The following CAGE1 variants were observed in gnomAD, a reference collection of about 807,000 sequenced individuals.
The protein encoded by CAGE1 is cancer-associated gene 1 protein.
In CAGE1, 66 loss-of-function variants were observed where a neutral mutation model predicts 94.9. That is an observed-to-expected ratio of 0.70 (90% CI 0.57 to 0.85). The LOEUF (loss-of-function observed/expected upper bound fraction) is 0.85. Ranked by LOEUF, CAGE1 falls within the 40% of genes least tolerant of loss-of-function variation. CAGE1 has a pLI of 0.00. For synonymous variants in CAGE1, 319 were observed against 321.0 expected (o/e 0.99, Z 0.07); for missense variants, 865 against 950.4 (o/e 0.91, Z 1.18).
chr6:7,373,417 A>G lies in CAGE1; in HGVS notation c.1402T>C (p.Ser468Pro). 6.2e-7 allele frequency: 1 copy of G among 1,613,770 alleles called. No individual in the cohort carries two copies. The highest frequency in any genetic ancestry group is 8.5e-7 in the Non-Finnish European group (1 of 1,179,754). Residue 468 changes from serine to proline, a missense_variant, in exon 5 of 14, where the codon TCT becomes CCT. Ser to Pro is a moderately conservative substitution (Grantham distance 74). Transcript: ENST00000502583. ...LKKELEKATASALDLLKREKE... is the reference protein window; with the variant it reads ...LKKELEKATAPALDLLKREKE... Reference sequence around the variant, plus strand: ...TCCCGTTTCAACAAGTCCAAAGCAGAAGCTGTGGCCTTTTCCAGTTCTTTT... The same window carrying G: ...TCCCGTTTCAACAAGTCCAAAGCAGGAGCTGTGGCCTTTTCCAGTTCTTTT...
At chr6:7,384,003 T>C (rs1340669722) in intron 3 of CAGE1, among the ~76,000 whole-genome samples, 1 of 152,224 alleles carries the variant, frequency 6.6e-6, no homozygotes, top group Non-Finnish European at 1.5e-5. Context: ...ACTTTCTTAT[T>C]AGTTTTAATA....
rs80156913 is a variant in CAGE1 at position 7,356,101 on chromosome 6, G to T, written c.2222C>A (p.Ser741Ter). The change falls in exon 10 of 14, where the codon TCA (serine) becomes TAA (stop). Residue 741 changes from serine (S) to a stop codon, truncating the protein, a stop_gained. Transcript: ENST00000502583. LOFTEE classifies it high-confidence loss of function. ...GAGTCTGTTGCAGTGGTTTTCTTTTGACTCTAGGAGATGTCCCAGTTTTGT... is the reference window on the plus strand; with the variant it reads ...GAGTCTGTTGCAGTGGTTTTCTTTTTACTCTAGGAGATGTCCCAGTTTTGT... The part of the protein sequence containing the change: ...LITKLGHLLE[S>*]KENHCNRLIE... 1.3e-6 allele frequency: 2 copies of T among 1,548,482 alleles called. No individual in the cohort carries two copies. Among genetic ancestry groups the T allele is most frequent in the South Asian group, 2.4e-5 (2 of 83,950 alleles).
At position 7,373,271 on chromosome 6, in the gene CAGE1, A is replaced by G; in HGVS notation, c.1548T>C (p.Val516=). 1 of 1,602,762 alleles carries G rather than the reference A, an allele frequency of 6.2e-7. No individual in the cohort carries two copies. The highest frequency in any genetic ancestry group is 1.3e-5 in the African/African-American group (1 of 74,852). The change falls in exon 5 of 14, where the codon GTT becomes GTC. Residue 516 remains valine, a synonymous_variant. Transcript: ENST00000502583. ...KSRLEKLLTQ[V]RNLQFMSENE... ...TTTCAGACATAAATTGCAAATTTCT[A>G]ACTTGAGTGAGCAATTTCTCAAGTC...
chr6:7,333,101 C>A (rs1186563387), intron 12 of CAGE1, among the ~76,000 whole-genome samples: 1 of 152,126 alleles, frequency 6.6e-6, no homozygotes, highest in East Asian at 1.9e-4. Flanking sequence ...CAGGTGCCCA[C>A]CACCATGCCT....
At chr6:7,352,958 GA>G (rs749354299) in intron 11 of CAGE1, among the ~76,000 whole-genome samples, 1 of 152,086 alleles carries the variant, frequency 6.6e-6, no homozygotes, top group Non-Finnish European at 1.5e-5. Context: ...GATAACATTG[GA>G]AAAAACTCTT....
intron 9 of CAGE1, among the ~76,000 whole-genome samples, chr6:7,356,986 G>A (rs898097527): frequency 1.3e-5 from 2 of 151,858 alleles, no homozygotes; most frequent in Non-Finnish European, 2.9e-5. Flanking sequence ...TAGTCGAGAT[G>A]GGGTTTCACC....
At chr6:7,374,196 T>C (rs376387427) in intron 4 of CAGE1, 65 bp from the exon 5 acceptor site, 5 of 1,352,294 alleles carry the variant, frequency 3.7e-6, no homozygotes, top group African/African-American at 2.9e-5. Context: ...TCAAGTCAAA[T>C]AGGGCTGGCC....
intron 11 of CAGE1, among the ~76,000 whole-genome samples, chr6:7,335,917 A>G (rs1056489639): frequency 4.6e-5 from 7 of 152,246 alleles, no homozygotes; most frequent in Non-Finnish European, 1.0e-4. Context: ...CTAGATTTTT[A>G]CAGAATTATC....
chr6:7,334,712 C>T (rs1307662499), intron 11 of CAGE1, among the ~76,000 whole-genome samples: 8 of 110,550 alleles, frequency 7.2e-5, no homozygotes, highest in Non-Finnish European at 1.7e-5. Context: ...TGGGACAGAG[C>T]TAGACTCTCT....
chr6:7,355,069 G>C lies in CAGE1; in HGVS notation c.2341C>G (p.Leu781Val). 6.2e-7 allele frequency: 1 copy of C among 1,608,860 alleles called. No individual in the cohort carries two copies. Among genetic ancestry groups the C allele is most frequent in the Non-Finnish European group, 8.5e-7 (1 of 1,177,096 alleles). ...EEIIECADQR[L>V]AISHSQIAHL... is the part of the protein sequence containing the mutation. ...GCAATCTGGGAGTGGGATATTGCAAGCCTTTGGTCAGCACATTCAATGATT... is the reference window on the plus strand; with the variant it reads ...GCAATCTGGGAGTGGGATATTGCAACCCTTTGGTCAGCACATTCAATGATT... The change falls in exon 11 of 14, where the codon CTT becomes GTT. Residue 781 changes from leucine to valine, a missense_variant. By Grantham distance (32) the Leu-to-Val change is conservative. Coordinates refer to ENST00000502583, the MANE Select transcript of CAGE1 (RefSeq NM_001170692.2).
intron 9 of CAGE1, among the ~76,000 whole-genome samples, chr6:7,361,811 T>C (rs1231370372): frequency 6.6e-6 from 1 of 152,158 alleles, no homozygotes; most frequent in Non-Finnish European, 1.5e-5. Context: ...GCTGGTAAGG[T>C]TGACATCTAT....
At chr6:7,344,116 G>A (rs1197118659) in intron 11 of CAGE1, among the ~76,000 whole-genome samples, 1 of 152,236 alleles carries the variant, frequency 6.6e-6, no homozygotes, top group Non-Finnish European at 1.5e-5. Context: ...CCACTTTGGT[G>A]GCACTTGAGG....
At position 7,365,448 on chromosome 6, in the gene CAGE1, T is replaced by A. The variant is rs1554138720; in HGVS notation, c.2193+20A>T. On this transcript the variant is annotated intron_variant, in intron 9 of 13. Coordinates refer to ENST00000502583, the MANE Select transcript of CAGE1 (RefSeq NM_001170692.2). ...GTTGTGTATAAAAATAATAGCAAGG[T>A]AAAAAAAGGTCTTTCTTACCAAGAA... 6.3e-7 allele frequency: 1 copy of A among 1,593,562 alleles called. No homozygotes were observed. The highest frequency in any genetic ancestry group is 8.6e-7 in the Non-Finnish European group (1 of 1,166,406).
intron 11 of CAGE1, among the ~76,000 whole-genome samples, chr6:7,340,266 TG>T (rs1211057123): frequency 3.3e-5 from 5 of 152,202 alleles, no homozygotes; most frequent in South Asian, 2.1e-4. Flanking sequence ...TTGATGGGAT[TG>T]TTTTTTTCTT....
rs537519924 is a variant in CAGE1, at chr6:7,369,995, T to A, written c.1817A>T (p.Asp606Val). 6.8e-6 allele frequency: 11 copies of A among 1,613,742 alleles called. No individual in the cohort carries two copies. Among genetic ancestry groups the A allele is most frequent in the Non-Finnish European group, 9.3e-6 (11 of 1,179,836 alleles). ...GGCCAGCTGAGAAGCTCTTTTTATA[T>A]CTGCAGGATTCAGCCTCTCTTCACA... The part of the protein sequence containing the change: ...SPCEERLNPA[D>V]IKRASQLASK... Residue 606 changes from aspartate to valine, a missense_variant, in exon 6 of 14, where the codon GAT becomes GTT. Transcript: ENST00000502583.
intron 5 of CAGE1, among the ~76,000 whole-genome samples, chr6:7,371,843 A>G (rs1760548420): frequency 1.3e-5 from 2 of 152,176 alleles, no homozygotes; most frequent in African/African-American, 4.8e-5. Flanking sequence ...TTTCTAGTTC[A>G]TATTAGCCTT....
At chr6:7,340,401 G>A (rs9505172) in intron 11 of CAGE1, among the ~76,000 whole-genome samples, 13,715 of 152,088 alleles carry the variant, frequency 0.09, 1,424 homozygotes, top group African/African-American at 0.25. Context: ...CTTTTGCTGC[G>A]CAGAAACTTT....
In CAGE1 at chr6:7,373,869, C is replaced by A; in HGVS notation, c.950G>T (p.Arg317Ile). The A allele has an allele frequency of 6.2e-7, 1 of 1,613,940 alleles. No homozygotes were observed. Among genetic ancestry groups the A allele is most frequent in the Non-Finnish European group, 8.5e-7 (1 of 1,179,868 alleles). Reference protein sequence around the residue: ...EVLQKLKHTNRKQEVRIQELQ... With the variant: ...EVLQKLKHTNIKQEVRIQELQ... ...TTCTTGGATTCGCACTTCCTGCTTTCTGTTAGTATGTTTTAATTTCTGCAA... is the reference window on the plus strand; with the variant it reads ...TTCTTGGATTCGCACTTCCTGCTTTATGTTAGTATGTTTTAATTTCTGCAA... Residue 317 changes from arginine to isoleucine, a missense_variant, in exon 5 of 14, where the codon AGA becomes ATA. Arg to Ile is a moderately conservative substitution (Grantham distance 97, BLOSUM62 -3). Transcript: ENST00000502583.
At chr6:7,358,031 T>TAG (rs1379368966) in intron 9 of CAGE1, among the ~76,000 whole-genome samples, 29 of 19,580 alleles carry the variant, frequency 1.5e-3, no homozygotes, top group African/African-American at 5.6e-3. Flanking sequence ...TTTTGAGATA[T>TAG]ATATATATAT....
Sources: gnomAD v4.1 joint callset for allele counts (sites outside exome capture counted in the v4.1 genomes callset) on GRCh38, gnomAD v4.1.1 for gene constraint, MANE v1.5 for transcripts, NCBI Gene and HGNC (gene_info 2026-07-23, HGNC 2026-07-21) for gene names.